Variants in NDRG4 observed in about 807,000 individuals in gnomAD.
NDRG4 encodes protein NDRG4.
NDRG4 carries 38 observed loss-of-function variants against 55.8 expected under a neutral mutation model. That is an observed-to-expected ratio of 0.68 (90% confidence interval 0.53 to 0.89). NDRG4 has a LOEUF of 0.89. Ranked by LOEUF, NDRG4 falls within the 40% of genes least tolerant of loss-of-function variation. The pLI is 0.00. For missense variants in NDRG4, 455 were observed against 468.6 expected, an observed-to-expected ratio of 0.97 and a Z score of 0.27; for synonymous variants, 190 against 182.7, an observed-to-expected ratio of 1.04 and a Z score of -0.32.
At chr16:58,470,906 C>CAAA (rs142300769) in intron 1 of NDRG4, among the ~76,000 whole-genome samples, 867 of 79,584 alleles carry the variant, frequency 0.011, 54 homozygotes, top group African/African-American at 0.043. Flanking sequence ...GACACCATCT[C>CAAA]CAAAAAAAAA....
chr16:58,471,465 G>C (rs2032811758), intron 1 of NDRG4, among the ~76,000 whole-genome samples: 1 of 151,952 alleles, frequency 6.6e-6, no homozygotes, highest in African/African-American at 2.4e-5. Context: ...TTGCCCCCAG[G>C]GTAGTTGCGG....
intron 1 of NDRG4, among the ~76,000 whole-genome samples, chr16:58,503,344 C>T (rs1404021870): frequency 2.0e-5 from 3 of 152,184 alleles, no homozygotes; most frequent in African/African-American, 7.2e-5. Flanking sequence ...CTAGGCTTGG[C>T]TGGCACGGGG....
intron 1 of NDRG4, among the ~76,000 whole-genome samples, chr16:58,476,388 G>C (rs148350744): frequency 1.4e-3 from 218 of 152,338 alleles, no homozygotes; most frequent in African/African-American, 5.1e-3. Context: ...TTAGAGGCCT[G>C]TTGTGTCTAT....
chr16:58,491,725 G>A (rs2035810574), intron 2 of NDRG4, among the ~76,000 whole-genome samples: 1 of 152,200 alleles, frequency 6.6e-6, no homozygotes, highest in Non-Finnish European at 1.5e-5. Context: ...CTCCCAAAGT[G>A]CTGGGATTAC....
chr16:58,511,376 T>C (rs1401514700), intron 14 of NDRG4, 46 bp from the exon 15 acceptor site: 1 of 1,543,354 alleles, frequency 6.5e-7, no homozygotes, highest in African/African-American at 1.4e-5. Flanking sequence ...CAGAGGCACC[T>C]GGCCCTGCCC....
At position 58,505,078 on chromosome 16, in the gene NDRG4, G is replaced by A. The variant is rs139902809; in HGVS notation, c.372+429G>A. On this transcript the variant is annotated intron_variant, in intron 5 of 14. Coordinates refer to ENST00000570248, the MANE Select transcript of NDRG4 (RefSeq NM_001242835.2). ...GGCACATTTCAAAAACATCATTGTC[G>A]GTGGCTCACACCTGTAATCCCAGCA... 6.9e-3 allele frequency among the ~76,000 whole-genome samples: 1,050 copies of A among 152,092 alleles called. 10 individuals carry two copies. Among genetic ancestry groups the A allele is most frequent in the Non-Finnish European group, 0.011 (749 of 67,986 alleles).
At chr16:58,492,454 G>A (rs2035884578) in intron 2 of NDRG4, among the ~76,000 whole-genome samples, 2 of 151,524 alleles carry the variant, frequency 1.3e-5, no homozygotes, top group South Asian at 2.1e-4. Flanking sequence ...CAGACCCAGA[G>A]AGCATACAGC....
At chr16:58,507,111 CCT>C in intron 8 of NDRG4, 96 bp downstream of exon 8, 1 of 971,720 alleles carries the variant, frequency 1.0e-6, no homozygotes, top group South Asian at 1.4e-5. Flanking sequence ...ACACCCTTGC[CCT>C]GGTTTGTAGA....
At chr16:58,506,310 T>C (rs747887320) in intron 5 of NDRG4, 77 bp from the exon 6 acceptor site, 2 of 1,430,054 alleles carry the variant, frequency 1.4e-6, no homozygotes, top group South Asian at 2.3e-5. Flanking sequence ...CAGCAGCACC[T>C]TGAAGACTTT....
intron 1 of NDRG4, among the ~76,000 whole-genome samples, chr16:58,478,506 ACCCAAAAAAGG>A (rs2033987436): frequency 1.3e-5 from 2 of 152,094 alleles, no homozygotes; most frequent in Admixed American, 1.3e-4. Flanking sequence ...TGGGTCCTAG[ACCCAAAAAAGG>A]CATTATTAGG....
chr16:58,479,090 G>T (rs369623190), intron 1 of NDRG4, among the ~76,000 whole-genome samples: 2 of 152,024 alleles, frequency 1.3e-5, no homozygotes, highest in Non-Finnish European at 1.5e-5. Context: ...GTGCAATGGC[G>T]TGATCTCGGC....
At chr16:58,469,352 A>C (rs1239454009) in intron 1 of NDRG4, among the ~76,000 whole-genome samples, 1 of 143,862 alleles carries the variant, frequency 7.0e-6, no homozygotes, top group Non-Finnish European at 1.5e-5. Context: ...GAGGAGAGAC[A>C]TGAGGGTCAT....
intron 1 of NDRG4, among the ~76,000 whole-genome samples, chr16:58,471,412 G>A (rs1348995768): frequency 1.3e-5 from 2 of 151,968 alleles, no homozygotes; most frequent in African/African-American, 2.4e-5. Flanking sequence ...TGCCAGCCTC[G>A]TTCTGATCAC....
intron 1 of NDRG4, among the ~76,000 whole-genome samples, chr16:58,478,196 C>T (rs2033933693): frequency 6.6e-6 from 1 of 152,134 alleles, no homozygotes; most frequent in Non-Finnish European, 1.5e-5. Context: ...TGAGACCAGC[C>T]TGGCCAACAC....
At chr16:58,500,061 G>T (rs1398466417), upstream of NDRG4, 9 of 1,458,690 alleles carry the variant, frequency 6.2e-6, no homozygotes, top group African/African-American at 1.3e-4. Context: ...GCGAGTGGCT[G>T]CTCAGAAACC....
rs1168834628 is a variant in NDRG4 at position 58,474,028 on chromosome 16, CTTTTTTTTTTTT to C, written c.-24+10246_-24+10257del. ...GTTTTTTCACTTTTCTTTTCTTTCC[CTTTTTTTTTTTT>C]TTTTTTTTTTTTTTGAGAGAGAATC... On this transcript the variant is annotated intron_variant, in intron 1 of 15. Transcript: ENST00000258187. Among the ~76,000 whole-genome samples, 176 of 101,206 alleles carry C rather than the reference CTTTTTTTTTTTT, an allele frequency of 1.7e-3. 6 individuals are homozygous for C. In the South Asian group the frequency reaches 0.053, roughly 30 times the overall value. 66.4% of individuals were successfully genotyped at this position (101,206 alleles called of 152,430 possible).
rs1333112919 is a variant in NDRG4, at chr16:58,508,133, G to A, written c.729+134G>A. 7 of 742,152 alleles carry A rather than the reference G, an allele frequency of 9.4e-6. No homozygotes were observed. In the East Asian group the frequency reaches 1.7e-4, roughly 18 times the overall value. 46.0% of individuals were successfully genotyped at this position (742,152 alleles called of 1,614,324 possible). A position where few individuals can be genotyped will look rare whatever the true frequency, so the allele number is the denominator to read the frequency against. On this transcript the variant is annotated intron_variant, in intron 10 of 14. Coordinates refer to ENST00000570248, the MANE Select transcript of NDRG4 (RefSeq NM_001242835.2). ...GCCAGCAGTGGACGGTGGGCTTCTTGTCCACTTTCCCACAGTCTTGCCAAG... is the reference window on the plus strand; with the variant it reads ...GCCAGCAGTGGACGGTGGGCTTCTTATCCACTTTCCCACAGTCTTGCCAAG...
chr16:58,509,430 C>A, intron 13 of NDRG4, 78 bp downstream of exon 13: 1 of 1,483,030 alleles, frequency 6.7e-7, no homozygotes, highest in Non-Finnish European at 9.3e-7. Flanking sequence ...CTCCTGTTTG[C>A]AGGGCTGGCA....
chr16:58,491,169 G>A (rs556592066), intron 2 of NDRG4, among the ~76,000 whole-genome samples: 77 of 151,902 alleles, frequency 5.1e-4, no homozygotes, highest in African/African-American at 1.7e-3. Context: ...CCAGCTACTC[G>A]GGAGGCTGAG....
Sources: gnomAD v4.1 joint callset for allele counts (sites outside exome capture counted in the v4.1 genomes callset) on GRCh38, gnomAD v4.1.1 for gene constraint, MANE v1.5 for transcripts, NCBI Gene and HGNC (gene_info 2026-07-23, HGNC 2026-07-21) for gene names.